AGBL4: variants seen among roughly 807,000 people sequenced by gnomAD.
The protein encoded by AGBL4 is cytosolic carboxypeptidase 6.
In AGBL4, 58 loss-of-function variants were observed where a neutral mutation model predicts 66.4. The observed-to-expected ratio is 0.87, with a 90% CI of 0.71 to 1.09. The LOEUF is 1.09. Ranked by LOEUF, AGBL4 falls within the 50% of genes least tolerant of loss-of-function variation. AGBL4 has a pLI of 0.00. For synonymous variants in AGBL4, 234 were observed against 222.9 expected (o/e 1.05, Z -0.44); for missense variants, 579 against 631.0 (o/e 0.92, Z 0.88).
At chr1:49,143,552 T>C (rs888063612) in intron 4 of AGBL4, among the ~76,000 whole-genome samples, 3 of 152,216 alleles carry the variant, frequency 2.0e-5, no homozygotes, top group Non-Finnish European at 2.9e-5. Flanking sequence ...GAATGTGCCA[T>C]GCTTTTAACA....
At chr1:48,588,628 C>T (rs927252111) in intron 10 of AGBL4, among the ~76,000 whole-genome samples, 1 of 148,716 alleles carries the variant, frequency 6.7e-6, no homozygotes, top group Non-Finnish European at 1.5e-5. Context: ...ACAAGAAAGG[C>T]ACAGAAAGAC....
intron 4 of AGBL4, among the ~76,000 whole-genome samples, chr1:49,144,486 C>T (rs1042192099): frequency 1.3e-5 from 2 of 150,752 alleles, no homozygotes; most frequent in Non-Finnish European, 3.0e-5. Context: ...GCTTAAAGGC[C>T]CAGCTCACTT....
chr1:49,920,535 A>T (rs1652113320), intron 1 of AGBL4, among the ~76,000 whole-genome samples: 2 of 152,222 alleles, frequency 1.3e-5, no homozygotes, highest in African/African-American at 2.4e-5. Context: ...TCAAAACCAC[A>T]GTGAGATACC....
intron 6 of AGBL4, among the ~76,000 whole-genome samples, chr1:48,762,309 A>G (rs527439433): frequency 3.9e-5 from 6 of 152,196 alleles, no homozygotes; most frequent in Non-Finnish European, 7.3e-5. Context: ...AACCTAAGAT[A>G]ATCTGTTTCT....
intron 2 of AGBL4, among the ~76,000 whole-genome samples, chr1:49,790,141 G>A (rs1275310038): frequency 1.3e-5 from 2 of 152,126 alleles, no homozygotes; most frequent in Non-Finnish European, 2.9e-5. Context: ...CACTTTGGGA[G>A]GCCAAGGCGG....
intron 3 of AGBL4, among the ~76,000 whole-genome samples, chr1:49,563,553 T>C (rs1458346186): frequency 6.6e-6 from 1 of 152,198 alleles, no homozygotes; most frequent in Non-Finnish European, 1.5e-5. Context: ...CTTTTCTGCA[T>C]CTATTGAGAT....
intron 5 of AGBL4, among the ~76,000 whole-genome samples, chr1:49,031,895 T>A (rs1664258184): frequency 6.6e-6 from 1 of 152,108 alleles, no homozygotes; most frequent in Admixed American, 6.5e-5. Flanking sequence ...ATAAGTCTGT[T>A]AAAAGAGAAA....
intron 4 of AGBL4, among the ~76,000 whole-genome samples, chr1:49,192,012 A>C (rs556112283): frequency 6.6e-6 from 1 of 152,208 alleles, no homozygotes; most frequent in East Asian, 1.9e-4. Flanking sequence ...GGTAGATCTA[A>C]GTTCTTTGAG....
At chr1:49,831,459 G>T (rs1645675666) in intron 2 of AGBL4, among the ~76,000 whole-genome samples, 1 of 152,110 alleles carries the variant, frequency 6.6e-6, no homozygotes, top group African/African-American at 2.4e-5. Context: ...TATTGATTTT[G>T]TATCCTGAGA....
At chr1:49,245,945 C>A in intron 3 of AGBL4, 81 bp from the exon 4 acceptor site, 1 of 1,118,264 alleles carries the variant, frequency 8.9e-7, no homozygotes, top group Non-Finnish European at 1.3e-6. Context: ...AAATAAGAAA[C>A]AGGGTTAAAG....
intron 5 of AGBL4, among the ~76,000 whole-genome samples, chr1:48,904,422 G>C (rs1365883397): frequency 1.3e-5 from 2 of 152,208 alleles, no homozygotes; most frequent in African/African-American, 4.8e-5. Context: ...TGTATTTAAA[G>C]CATGGACTAT....
intron 6 of AGBL4, among the ~76,000 whole-genome samples, chr1:48,741,681 C>A (rs1379726263): frequency 5.3e-5 from 8 of 152,204 alleles, no homozygotes. Context: ...CCAAATAAAA[C>A]AAATTTTTCT....
chr1:49,238,953 C>G (rs1651002410), intron 4 of AGBL4, among the ~76,000 whole-genome samples: 1 of 152,112 alleles, frequency 6.6e-6, no homozygotes, highest in Non-Finnish European at 1.5e-5. Flanking sequence ...TTTTCTCCAC[C>G]TTTCAGAGTT....
intron 6 of AGBL4, chr1:48,776,924 G>T (rs1319570711): frequency 1.4e-5 from 9 of 656,622 alleles, no homozygotes; most frequent in Admixed American, 4.3e-5. Flanking sequence ...GTCTCGCTAC[G>T]GTGCTGGGGG....
At chr1:49,704,206 T>A (rs1647158141) in intron 2 of AGBL4, among the ~76,000 whole-genome samples, 2 of 152,092 alleles carry the variant, frequency 1.3e-5, no homozygotes, top group African/African-American at 2.4e-5. Flanking sequence ...TGTAATATAA[T>A]ATCATAAAAG....
chr1:49,119,054 C>G (rs2148039216), intron 4 of AGBL4, among the ~76,000 whole-genome samples: 1 of 152,208 alleles, frequency 6.6e-6, no homozygotes, highest in Admixed American at 6.5e-5. Context: ...TCCTCTTTAT[C>G]ATTTTTTATT....
chr1:49,644,963 A>G (rs1017656393), intron 3 of AGBL4, among the ~76,000 whole-genome samples: 1 of 151,708 alleles, frequency 6.6e-6, no homozygotes, highest in Non-Finnish European at 1.5e-5. Flanking sequence ...AGAAATCCCT[A>G]ATAGAAAAAT....
At chr1:48,879,009 G>A (rs1267836673) in intron 5 of AGBL4, among the ~76,000 whole-genome samples, 5 of 152,120 alleles carry the variant, frequency 3.3e-5, no homozygotes, top group Admixed American at 3.3e-4. Flanking sequence ...TATGAGGAAA[G>A]AATCCAGATC....
chr1:48,989,720 G>T (rs1161319411), intron 5 of AGBL4, among the ~76,000 whole-genome samples: 4 of 152,138 alleles, frequency 2.6e-5, no homozygotes, highest in Non-Finnish European at 5.9e-5. Context: ...TTCTTTTTAT[G>T]GTTGAATGGT....
Sources: allele counts gnomAD v4.1 joint callset (sites outside exome capture counted in the v4.1 genomes callset), GRCh38; gene constraint gnomAD v4.1.1; transcripts MANE v1.5; gene names NCBI Gene and HGNC (gene_info 2026-07-23, HGNC 2026-07-21).